Variants in KIF19 observed in about 807,000 individuals in gnomAD.
KIF19 encodes kinesin-like protein KIF19.
KIF19 carries 98 observed loss-of-function variants against 106.6 expected under a neutral mutation model. That is an observed-to-expected ratio of 0.92 (90% confidence interval 0.78 to 1.09). The LOEUF is 1.09. KIF19 is among the 50% of genes least tolerant of loss of function. The probability of loss-of-function intolerance (pLI) is 0.00; values close to 1 mark genes in which losing one functional copy is unlikely to be tolerated. For synonymous variants in KIF19, 516 were observed against 584.2 expected (o/e 0.88, Z 1.68); for missense variants, 1,373 against 1,414.3 (o/e 0.97, Z 0.47).
chr17:74,354,134 G>A (rs1373737858), intron 17 of KIF19, 28 bp from the exon 18 acceptor site: 2 of 1,580,580 alleles, frequency 1.3e-6, no homozygotes, highest in Non-Finnish European at 1.7e-6. Flanking sequence ...TTGATCTCGG[G>A]TTGTATGTTC....
In KIF19 at chr17:74,342,622, C is replaced by T. The variant is rs1473739971; in HGVS notation, c.232-8C>T. On this transcript the variant is annotated splice_polypyrimidine_tract_variant and splice_region_variant and intron_variant, in intron 3 of 19. Coordinates refer to ENST00000389916, the MANE Select transcript of KIF19 (RefSeq NM_153209.4). ...GTCCCGGCCCCTGACAGGCTTCCTT[C>T]CTCGCAGGAGATGGTGTATCAGGCC... 3.7e-6 allele frequency: 6 copies of T among 1,612,126 alleles called. No homozygotes were observed. The highest frequency in any genetic ancestry group is 5.1e-6 in the Non-Finnish European group (6 of 1,178,822).
chr17:74,343,081 A>T lies in KIF19; in HGVS notation c.377A>T (p.Gln126Leu). The change falls in exon 5 of 20, where the codon CAG becomes CTG. Residue 126 changes from glutamine to leucine, a missense_variant. Gln to Leu is a moderately radical substitution (Grantham distance 113). Transcript: ENST00000389916. The stretch of plus-strand genomic sequence containing the variant: ...GACCAGGAGCCTGGCATCTATGTTC[A>T]GACCCTCAACGACCTCTTCCGTGCC... ...GTDQEPGIYV[Q>L]TLNDLFRAIE... The T allele has an allele frequency of 1.2e-6, 2 of 1,613,224 alleles. No individual in the cohort carries two copies. The highest frequency in any genetic ancestry group is 1.7e-6 in the Non-Finnish European group (2 of 1,179,754).
Position 74,326,299 on chromosome 17 carries a change from G to A in KIF19, c.-51G>A, listed in dbSNP as rs1233416524. 1 of 1,575,332 alleles carries A rather than the reference G, an allele frequency of 6.3e-7. No individual in the cohort carries two copies. The highest frequency in any genetic ancestry group is 1.8e-5 in the Admixed American group (1 of 54,978). ...CGCGACCCGGAGGCGGTGGGGGTGCGGCTGAGCCATGCCCGGTGGCGCGGC... is the reference window on the plus strand; with the variant it reads ...CGCGACCCGGAGGCGGTGGGGGTGCAGCTGAGCCATGCCCGGTGGCGCGGC... On this transcript the variant is annotated 5_prime_UTR_variant, in exon 1 of 20. Transcript: ENST00000389916.
intron 9 of KIF19, among the ~76,000 whole-genome samples, chr17:74,348,368 G>A (rs980528639): frequency 1.3e-5 from 2 of 152,258 alleles, no homozygotes; most frequent in East Asian, 3.8e-4. Flanking sequence ...TGACTTCCCA[G>A]CTGGCCAGTG....
chr17:74,344,189 C>T (rs949345151), intron 5 of KIF19, 34 bp from the exon 6 acceptor site: 3 of 1,591,914 alleles, frequency 1.9e-6, no homozygotes, highest in East Asian at 4.5e-5. Context: ...CCTTAGTCTC[C>T]CTTCCCCCAC....
At position 74,355,321 on chromosome 17, in the gene KIF19, G is replaced by T; in HGVS notation, c.*9G>T. ...GCTCCCGGCATAACTGAGGGGCCCT[G>T]CCTGGAACTGGCTCTCTCACCTCCC... On this transcript the variant is annotated 3_prime_UTR_variant, in exon 20 of 20. Coordinates refer to ENST00000389916, the MANE Select transcript of KIF19 (RefSeq NM_153209.4). 1 of 1,599,758 alleles carries T rather than the reference G, an allele frequency of 6.3e-7. No individual in the cohort carries two copies. The highest frequency in any genetic ancestry group is 1.1e-5 in the South Asian group (1 of 89,592).
At chr17:74,338,332 G>A (rs947934866) in intron 2 of KIF19, among the ~76,000 whole-genome samples, 9 of 152,154 alleles carry the variant, frequency 5.9e-5, no homozygotes, top group African/African-American at 2.2e-4. Flanking sequence ...GGCTCATGCT[G>A]CAAGCTTTGG....
intron 12 of KIF19, 85 bp downstream of exon 12, chr17:74,350,990 G>T: frequency 2.1e-6 from 3 of 1,409,230 alleles, no homozygotes; most frequent in South Asian, 1.2e-5. Context: ...GGGCCAGGGT[G>T]GGGGTAGCCG....
At chr17:74,335,076 G>C (rs6501709) in intron 2 of KIF19, among the ~76,000 whole-genome samples, 1 of 151,994 alleles carries the variant, frequency 6.6e-6, no homozygotes, top group African/African-American at 2.4e-5. Context: ...CTCCCTCGGA[G>C]ATTTTTGCCA....
At chr17:74,329,767 G>A (rs2054022813) in intron 2 of KIF19, among the ~76,000 whole-genome samples, 1 of 152,228 alleles carries the variant, frequency 6.6e-6, no homozygotes, top group African/African-American at 2.4e-5. Context: ...AGGCACAGTG[G>A]TGGGGGCAAC....
intron 2 of KIF19, among the ~76,000 whole-genome samples, chr17:74,341,147 C>A (rs1469610759): frequency 3.9e-5 from 6 of 152,054 alleles, no homozygotes; most frequent in Admixed American, 3.9e-4. Context: ...CCAGCCTGGC[C>A]AACATGGAGA....
chr17:74,328,500 G>A lies in KIF19; in HGVS notation c.115G>A (p.Glu39Lys), dbSNP rs757556936. ...TACCCTCATCGCCCATAAAGTGGAT[G>A]AGCAGGTATGCAGGGCTCTGCAGCA... is the stretch of plus-strand genomic sequence containing the variant. The part of the protein sequence containing the change: ...GATLIAHKVD[E>K]QMVVLMDPME... Residue 39 changes from glutamate to lysine, a missense_variant, in exon 2 of 20, where the codon GAG becomes AAG. Glu to Lys is a moderately conservative substitution (Grantham distance 56, BLOSUM62 1). Coordinates refer to ENST00000389916, the MANE Select transcript of KIF19 (RefSeq NM_153209.4). 5 of 1,587,626 alleles carry A rather than the reference G, an allele frequency of 3.1e-6. No homozygotes were observed. The South Asian group carries it at 4.5e-5, about 14-fold the overall frequency.
At chr17:74,326,622 C>A (rs1005550814) in intron 1 of KIF19, among the ~76,000 whole-genome samples, 2 of 152,166 alleles carry the variant, frequency 1.3e-5, no homozygotes, top group African/African-American at 4.8e-5. Context: ...AACCCCACCC[C>A]CACCTTTCCA....
At chr17:74,340,555 G>GCAGACACACACACACACACA in intron 2 of KIF19, among the ~76,000 whole-genome samples, 13 of 148,306 alleles carry the variant, frequency 8.8e-5, no homozygotes, top group African/African-American at 3.3e-4. Flanking sequence ...ATGCGCGCGC[G>GCAGACACACACACACACACA]TACACACACA....
intron 1 of KIF19, 32 bp downstream of exon 1, chr17:74,326,420 C>T: frequency 6.2e-7 from 1 of 1,605,912 alleles, no homozygotes; most frequent in East Asian, 2.2e-5. Context: ...CTCCCCACCC[C>T]GCTCCGTGGT....
rs192298813 is a variant in KIF19 at position 74,339,820 on chromosome 17, G to A, written c.121-2056G>A. Among the ~76,000 whole-genome samples, 4 of 152,348 alleles carry A rather than the reference G, an allele frequency of 2.6e-5. 1 individual carries two copies. Among genetic ancestry groups the A allele is most frequent in the Admixed American group, 2.6e-4 (4 of 15,308 alleles). On this transcript the variant is annotated intron_variant, in intron 2 of 19. Coordinates refer to ENST00000389916, the MANE Select transcript of KIF19 (RefSeq NM_153209.4). ...GCACCTCCGCGGTGCAGTGGTTGGG[G>A]GTGGTGCATGAGGACAGGGACTATG...
chr17:74,343,752 T>C (rs1037495535), intron 5 of KIF19, among the ~76,000 whole-genome samples: 9 of 152,152 alleles, frequency 5.9e-5, no homozygotes, highest in African/African-American at 2.2e-4. Context: ...CAACAAGGTG[T>C]TGATTCAGCC....
chr17:74,328,582 AG>A (rs1163382698), intron 2 of KIF19, 77 bp downstream of exon 2: 1 of 1,277,206 alleles, frequency 7.8e-7, no homozygotes, highest in Non-Finnish European at 1.1e-6. Flanking sequence ...GAGGGCAGAA[AG>A]GGCCCCTGTG....
chr17:74,328,309 A>T (rs1482302378), intron 1 of KIF19, 116 bp from the exon 2 acceptor site: 9 of 873,004 alleles, frequency 1.0e-5, no homozygotes, highest in African/African-American at 1.7e-5. Context: ...TTTACTTAGG[A>T]CAAGGGAGGC....
Sources: gnomAD v4.1 joint callset for allele counts (sites outside exome capture counted in the v4.1 genomes callset) on GRCh38, gnomAD v4.1.1 for gene constraint, MANE v1.5 for transcripts, NCBI Gene and HGNC (gene_info 2026-07-23, HGNC 2026-07-21) for gene names.